The following SLC16A12 variants were observed in gnomAD, a reference collection of about 807,000 sequenced individuals.
SLC16A12 encodes the protein solute carrier family 16 member 12.
Under a neutral mutation model 42.4 loss-of-function variants are expected in SLC16A12, and 17 were observed. That is an observed-to-expected ratio of 0.40 (90% CI 0.27 to 0.60). The LOEUF (loss-of-function observed/expected upper bound fraction) is 0.60, where lower values mean the gene tolerates loss of function less well. Among genes scored for constraint, SLC16A12 ranks in the 20% least tolerant of loss-of-function variants. The pLI is 0.42. For synonymous variants in SLC16A12, 224 were observed against 229.4 expected, an observed-to-expected ratio of 0.98 and a Z score of 0.21; for missense variants, 544 against 623.0, an observed-to-expected ratio of 0.87 and a Z score of 1.35.
chr10:89,509,951 A>G (rs893455546), intron 2 of SLC16A12, among the ~76,000 whole-genome samples: 2 of 152,178 alleles, frequency 1.3e-5, no homozygotes, highest in African/African-American at 4.8e-5. Flanking sequence ...CCGATAACAG[A>G]CAGAGAGCCA....
chr10:89,481,960 G>A (rs1013279708), intron 2 of SLC16A12, among the ~76,000 whole-genome samples: 1 of 151,892 alleles, frequency 6.6e-6, no homozygotes, highest in Non-Finnish European at 1.5e-5. Flanking sequence ...TGTCTTCACC[G>A]GAAGCTAGGA....
At chr10:89,463,709 A>T (rs916031993) in intron 2 of SLC16A12, among the ~76,000 whole-genome samples, 1 of 152,242 alleles carries the variant, frequency 6.6e-6, no homozygotes, top group Non-Finnish European at 1.5e-5. Context: ...GCTTGGGGAA[A>T]AAAACATTAG....
At chr10:89,522,044 C>T (rs1843366379) in intron 2 of SLC16A12, among the ~76,000 whole-genome samples, 1 of 152,208 alleles carries the variant, frequency 6.6e-6, no homozygotes. Flanking sequence ...GCCCAGTCAA[C>T]ATCTATCCAG....
intron 2 of SLC16A12, among the ~76,000 whole-genome samples, chr10:89,548,681 T>G (rs1438370297): frequency 1.3e-5 from 2 of 152,062 alleles, no homozygotes; most frequent in African/African-American, 4.8e-5. Flanking sequence ...CCGGGTGCAG[T>G]GCCAGCCATC....
chr10:89,506,792 A>T (rs964488708), intron 2 of SLC16A12, among the ~76,000 whole-genome samples: 1 of 152,162 alleles, frequency 6.6e-6, no homozygotes, highest in Non-Finnish European at 1.5e-5. Flanking sequence ...CTAAAGGAGC[A>T]TGTTCTAACC....
rs193101568 is a variant in SLC16A12, at chr10:89,548,243, A to G, written c.-47+7639T>C. ...AGATATGAAGTGAAAGAGACATGAG[A>G]AGTCTGTGTGTCTCCAGCCAGGAGG... On this transcript the variant is annotated intron_variant, in intron 2 of 2. Coordinates refer to the SLC16A12 transcript ENST00000475682. Among the ~76,000 whole-genome samples, 35 of 152,228 alleles carry G rather than the reference A, an allele frequency of 2.3e-4. No homozygotes were observed. The East Asian group carries it at 3.5e-3, about 15-fold the overall frequency.
chr10:89,523,363 G>T (rs1843393344), intron 2 of SLC16A12, among the ~76,000 whole-genome samples: 3 of 152,190 alleles, frequency 2.0e-5, no homozygotes, highest in Middle Eastern at 6.8e-3. Context: ...CAATGGAAGG[G>T]AATTTGCCTC....
intron 2 of SLC16A12, among the ~76,000 whole-genome samples, chr10:89,474,818 AC>A (rs1015167221): frequency 1.3e-5 from 2 of 152,116 alleles, no homozygotes; most frequent in Non-Finnish European, 2.9e-5. Context: ...CTTCATCTTG[AC>A]CCTGTGACGT....
At chr10:89,532,925 G>A (rs1426005143) in intron 2 of SLC16A12, among the ~76,000 whole-genome samples, 5 of 152,126 alleles carry the variant, frequency 3.3e-5, no homozygotes, top group African/African-American at 4.8e-5. Flanking sequence ...AATTTAATTA[G>A]TCTCCAATAC....
intron 2 of SLC16A12, among the ~76,000 whole-genome samples, chr10:89,553,237 G>A (rs1427718736): frequency 6.6e-6 from 1 of 152,216 alleles, no homozygotes; most frequent in Non-Finnish European, 1.5e-5. Context: ...TTACCCTGCA[G>A]CTGTTTTCCA....
intron 2 of SLC16A12, among the ~76,000 whole-genome samples, chr10:89,547,259 T>G (rs1843747292): frequency 6.6e-6 from 1 of 152,250 alleles, no homozygotes; most frequent in Non-Finnish European, 1.5e-5. Flanking sequence ...CAGAAGTCTT[T>G]TGTATAGTTT....
rs761084891 is a variant in SLC16A12, at chr10:89,433,083, G to A, written c.1532C>T (p.Pro511Leu). 1.2e-6 allele frequency: 2 copies of A among 1,614,164 alleles called. No individual in the cohort carries two copies. The highest frequency in any genetic ancestry group is 1.3e-5 in the African/African-American group (1 of 75,060). Residue 511 changes from proline to leucine, a missense_variant, in exon 8 of 8, where the codon CCT (proline) becomes CTT (leucine). By Grantham distance (98) the Pro-to-Leu change is moderately conservative. Transcript: ENST00000371790. ...CTTTGGTCATGTGAGGCTGTAGCCA[G>A]GCACTGCTGTAGCCACAGGCTCCCC... ...KHGEPVATAVPGYSLT is the reference protein window; with the variant it reads ...KHGEPVATAVLGYSLT
At chr10:89,442,324 G>A (rs1267674676) in intron 4 of SLC16A12, among the ~76,000 whole-genome samples, 1 of 152,176 alleles carries the variant, frequency 6.6e-6, no homozygotes, top group Non-Finnish European at 1.5e-5. Flanking sequence ...TGGTAATTGT[G>A]TACAACAGGC....
Position 89,552,450 on chromosome 10 carries a change from A to G in SLC16A12, c.-47+3432T>C, listed in dbSNP as rs189514879. On this transcript the variant is annotated intron_variant, in intron 2 of 2. Transcript: ENST00000475682. ...TCATCTGGAGAGAATCTAGGGTGGTAGCACTGAATTAGATTTGGCTGCTTG... is the reference window on the plus strand; with the variant it reads ...TCATCTGGAGAGAATCTAGGGTGGTGGCACTGAATTAGATTTGGCTGCTTG... Among the ~76,000 whole-genome samples the G allele has an allele frequency of 1.8e-4, 28 of 152,328 alleles. 1 individual carries two copies. The highest frequency in any genetic ancestry group is 1.7e-3 in the Admixed American group (26 of 15,298).
chr10:89,459,316 T>TAAAAA (rs111833100), intron 3 of SLC16A12, among the ~76,000 whole-genome samples: 10 of 148,918 alleles, frequency 6.7e-5, no homozygotes, highest in African/African-American at 2.5e-4. Context: ...GCAGTTTTTT[T>TAAAAA]AAAAAAAAAA....
At chr10:89,536,278 T>G (rs1361643692), upstream of SLC16A12, among the ~76,000 whole-genome samples, 1 of 152,100 alleles carries the variant, frequency 6.6e-6, no homozygotes, top group Non-Finnish European at 1.5e-5. Context: ...TGCTAGCCAA[T>G]CCTTCCCATT....
chr10:89,517,482 T>A (rs1843272989), intron 2 of SLC16A12, among the ~76,000 whole-genome samples: 1 of 111,194 alleles, frequency 9.0e-6, no homozygotes, highest in African/African-American at 3.6e-5. Context: ...GGTAATTAAT[T>A]TTTTTTTTTG....
chr10:89,490,894 A>C (rs73373236), intron 2 of SLC16A12, among the ~76,000 whole-genome samples: 2,055 of 152,316 alleles, frequency 0.013, 51 homozygotes, highest in African/African-American at 0.046. Flanking sequence ...TCTCATTAAC[A>C]AAAGCTCAGG....
At position 89,431,522 on chromosome 10, in the gene SLC16A12, C is replaced by T. The variant is rs2133668041; in HGVS notation, c.*1542G>A. On this transcript the variant is annotated 3_prime_UTR_variant, in exon 8 of 8. Transcript: ENST00000371790. ...GGTATAGGCAAGCTCTCTTGCGGAG[C>T]ATACACATTAACTCAGGATCATCCT... The T allele has an allele frequency of 6.6e-6, 1 of 152,342 alleles. No homozygotes were observed. Among genetic ancestry groups the T allele is most frequent in the East Asian group, 1.9e-4 (1 of 5,190 alleles). 9.4% of individuals were successfully genotyped at this position (152,342 alleles called of 1,614,324 possible). A position where few individuals can be genotyped will look rare whatever the true frequency, so the allele number is the denominator to read the frequency against.
Sources: allele counts gnomAD v4.1 joint callset (sites outside exome capture counted in the v4.1 genomes callset), GRCh38; gene constraint gnomAD v4.1.1; transcripts MANE v1.5; gene names NCBI Gene and HGNC (gene_info 2026-07-23, HGNC 2026-07-21).